The following EIF4E3 variants were observed in gnomAD, a reference collection of about 807,000 sequenced individuals.
EIF4E3 encodes the protein eukaryotic translation initiation factor 4E type 3.
EIF4E3 carries 26 observed loss-of-function variants against 31.7 expected under a neutral mutation model. The observed-to-expected ratio is 0.82, with a 90% CI of 0.60 to 1.14. EIF4E3 has a LOEUF of 1.14. EIF4E3 is among the 50% of genes most tolerant of loss of function. The pLI is 0.00. For synonymous variants in EIF4E3, 128 were observed against 107.7 expected (o/e 1.19, Z -1.17); for missense variants, 304 against 270.9 (o/e 1.12, Z -0.86).
intron 1 of EIF4E3, among the ~76,000 whole-genome samples, chr3:71,722,212 T>G (rs915510841): frequency 6.6e-6 from 1 of 152,128 alleles, no homozygotes; most frequent in Non-Finnish European, 1.5e-5. Context: ...GGAAACAAGT[T>G]TGGGAAGGCA....
In EIF4E3 at chr3:71,682,070, T is replaced by G. The variant is rs569767663; in HGVS notation, c.*2612A>C. ...TTCAGCAAGTGCTTACGAAAGACAG[T>G]CAAAATATAGGCAAGTTACTTTAAA... On this transcript the variant is annotated 3_prime_UTR_variant, in exon 7 of 7. Coordinates refer to ENST00000425534, the MANE Select transcript of EIF4E3 (RefSeq NM_001134651.2). The G allele has an allele frequency of 6.6e-6, 1 of 152,154 alleles. No homozygotes were observed. The highest frequency in any genetic ancestry group is 2.4e-5 in the African/African-American group (1 of 41,446). The allele number at this position is 152,154 out of a possible 1,614,324, so 9.4% of individuals were successfully genotyped here. A position where few individuals can be genotyped will look rare whatever the true frequency, so the allele number is the denominator to read the frequency against.
chr3:71,720,681 A>G (rs536615237), intron 1 of EIF4E3, among the ~76,000 whole-genome samples: 2 of 152,276 alleles, frequency 1.3e-5, no homozygotes, highest in East Asian at 3.9e-4. Context: ...AGGGCAAAGG[A>G]GTTTTGGAAT....
At chr3:71,704,702 G>T (rs753888044) in intron 2 of EIF4E3, among the ~76,000 whole-genome samples, 4 of 152,228 alleles carry the variant, frequency 2.6e-5, no homozygotes, top group Admixed American at 6.5e-5. Flanking sequence ...GAGGGGTCAG[G>T]GGTATTTCTG....
upstream of EIF4E3, among the ~76,000 whole-genome samples, chr3:71,729,798 A>ATGTGTGTGTGTGTGTGTGTG (rs3066626): frequency 4.0e-3 from 522 of 129,750 alleles, 16 homozygotes; most frequent in Admixed American, 8.5e-3. Flanking sequence ...TTCCAATAGA[A>ATGTGTGTGTGTGTGTGTGTG]TGTGTGTGTG....
chr3:71,693,810 G>T, intron 5 of EIF4E3, 65 bp downstream of exon 5: 1 of 1,379,452 alleles, frequency 7.2e-7, no homozygotes, highest in Non-Finnish European at 9.6e-7. Flanking sequence ...ACAAGCTGCT[G>T]CAAGAAACAA....
At chr3:71,751,110 G>A (rs1488304938) in intron 1 of EIF4E3, among the ~76,000 whole-genome samples, 2 of 152,032 alleles carry the variant, frequency 1.3e-5, no homozygotes, top group African/African-American at 4.8e-5. Context: ...GTATAAGCCT[G>A]TGGTCCCAGC....
Position 71,696,504 on chromosome 3 carries a change from C to T in EIF4E3, c.361G>A (p.Ala121Thr). Residue 121 changes from alanine to threonine, a missense_variant, in exon 4 of 7, where the codon GCA becomes ACA. Ala to Thr is a moderately conservative substitution (Grantham distance 58). Transcript: ENST00000425534. Reference protein sequence around the residue: ...RRPLWEEESNAKGGVWKMKVP... With the variant: ...RRPLWEEESNTKGGVWKMKVP... ...TTCATCTTCCATACGCCACCCTTTGCATTACTCTCCTCTTCCCTGGGCCAA... is the reference window on the plus strand; with the variant it reads ...TTCATCTTCCATACGCCACCCTTTGTATTACTCTCCTCTTCCCTGGGCCAA... The T allele has an allele frequency of 6.2e-7, 1 of 1,614,108 alleles. No individual in the cohort carries two copies. Among genetic ancestry groups the T allele is most frequent in the Non-Finnish European group, 8.5e-7 (1 of 1,180,020 alleles).
intron 1 of EIF4E3, among the ~76,000 whole-genome samples, chr3:71,724,596 C>T (rs1303117492): frequency 6.6e-6 from 1 of 152,190 alleles, no homozygotes; most frequent in Non-Finnish European, 1.5e-5. Flanking sequence ...ATCTCCAGCG[C>T]ATAGCAGGTG....
chr3:71,727,557 G>A (rs1249278926), upstream of EIF4E3, among the ~76,000 whole-genome samples: 1 of 151,902 alleles, frequency 6.6e-6, no homozygotes, highest in Non-Finnish European at 1.5e-5. Flanking sequence ...TATATTTATG[G>A]CTTTCTTCAT....
At chr3:71,744,854 G>C (rs2049855241) in intron 1 of EIF4E3, among the ~76,000 whole-genome samples, 1 of 152,162 alleles carries the variant, frequency 6.6e-6, no homozygotes, top group East Asian at 1.9e-4. Flanking sequence ...GAAAGATGTG[G>C]GTTCATTCCA....
chr3:71,735,802 C>T (rs1236039346), intron 1 of EIF4E3, among the ~76,000 whole-genome samples: 3 of 151,412 alleles, frequency 2.0e-5, no homozygotes, highest in Admixed American at 6.6e-5. Flanking sequence ...CATTTATCCA[C>T]CTCCCTCCAA....
Position 71,712,640 on chromosome 3 carries a change from G to GT in EIF4E3, c.177-2157_177-2156insA, listed in dbSNP as rs1371654208. Among the ~76,000 whole-genome samples, 8 of 105,444 alleles carry GT rather than the reference G, an allele frequency of 7.6e-5. No individual in the cohort carries two copies. In the East Asian group the frequency reaches 2.7e-3, roughly 35 times the overall value. 69.2% of individuals were successfully genotyped at this position (105,444 alleles called of 152,430 possible). On this transcript the variant is annotated intron_variant, in intron 1 of 6. Transcript: ENST00000425534. ...TGTGTGTGTGTTGCGGGGGGTGGGC[G>GT]GGGGAGATTCTAGGGCTCAAAGGGA...
chr3:71,688,690 G>GA (rs1372852680), intron 6 of EIF4E3, among the ~76,000 whole-genome samples: 2 of 152,096 alleles, frequency 1.3e-5, no homozygotes, highest in East Asian at 1.9e-4. Flanking sequence ...TAAAAAAAAA[G>GA]AAAAAACCCT....
At chr3:71,707,636 C>G (rs1353938081) in intron 2 of EIF4E3, among the ~76,000 whole-genome samples, 2 of 152,014 alleles carry the variant, frequency 1.3e-5, no homozygotes, top group East Asian at 3.9e-4. Flanking sequence ...CCTAAAAGAA[C>G]CCTTTTTCCT....
At chr3:71,670,878 GA>G, downstream of EIF4E3, among the ~76,000 whole-genome samples, 1 of 152,334 alleles carries the variant, frequency 6.6e-6, no homozygotes, top group Middle Eastern at 3.4e-3. Flanking sequence ...CTGAGACTCA[GA>G]AGTTAGGTGG....
rs1013647178 is a variant in EIF4E3 at position 71,675,881 on chromosome 3, G to A, written c.*8801C>T. ...GCCACAGTACCTTAGATGTATCTTG[G>A]TTCTGCAACTGACTACTGGTGTGAC... On this transcript the variant is annotated 3_prime_UTR_variant, in exon 7 of 7. Transcript: ENST00000425534. 6.6e-6 allele frequency: 1 copy of A among 152,180 alleles called. No individual in the cohort carries two copies. Among genetic ancestry groups the A allele is most frequent in the Non-Finnish European group, 1.5e-5 (1 of 68,038 alleles). The allele number at this position is 152,180 out of a possible 1,614,324, so 9.4% of individuals were successfully genotyped here.
At position 71,682,328 on chromosome 3, in the gene EIF4E3, TG is replaced by T. The variant is rs2048933976; in HGVS notation, c.*2353del. The T allele has an allele frequency of 6.6e-6, 1 of 152,220 alleles. No individual in the cohort carries two copies. 9.4% of individuals were successfully genotyped at this position (152,220 alleles called of 1,614,324 possible). A position where few individuals can be genotyped will look rare whatever the true frequency, so the allele number is the denominator to read the frequency against. ...TTGGATGAAAAGACCGGGATTCTAC[TG>T]GAAGTTTGCACTTTCCCCACATCAG... On this transcript the variant is annotated 3_prime_UTR_variant, in exon 7 of 7. Coordinates refer to ENST00000425534, the MANE Select transcript of EIF4E3 (RefSeq NM_001134651.2).
At chr3:71,745,693 C>T (rs779820854) in intron 1 of EIF4E3, among the ~76,000 whole-genome samples, 7 of 152,172 alleles carry the variant, frequency 4.6e-5, no homozygotes, top group Non-Finnish European at 8.8e-5. Flanking sequence ...TAATCTTCGG[C>T]ACTCCCAGTA....
chr3:71,687,030 T>C (rs112530158), intron 6 of EIF4E3, among the ~76,000 whole-genome samples: 19,868 of 152,238 alleles, frequency 0.13, 1,357 homozygotes, highest in Middle Eastern at 0.18. Flanking sequence ...GACAGAGTTT[T>C]TCTCTTGTCG....
Sources: allele counts gnomAD v4.1 joint callset (sites outside exome capture counted in the v4.1 genomes callset), GRCh38; gene constraint gnomAD v4.1.1; transcripts MANE v1.5; gene names NCBI Gene and HGNC (gene_info 2026-07-23, HGNC 2026-07-21).